The following ADAM32 variants were observed in gnomAD, a reference collection of about 807,000 sequenced individuals.
ADAM32 encodes the protein ADAM metallopeptidase domain 32.
In ADAM32, 89 loss-of-function variants were observed where a neutral mutation model predicts 114.9. That is an observed-to-expected ratio of 0.77 (90% CI 0.65 to 0.92). The LOEUF (loss-of-function observed/expected upper bound fraction) is 0.92. ADAM32 is among the 40% of genes least tolerant of loss of function. The pLI, the probability that ADAM32 is intolerant of heterozygous loss-of-function variation, is 0.00. For missense variants in ADAM32, 870 were observed against 932.8 expected (o/e 0.93, Z 0.88); for synonymous variants, 285 against 307.5 (o/e 0.93, Z 0.77).
At chr8:39,127,565 T>C (rs188879345) in intron 2 of ADAM32, among the ~76,000 whole-genome samples, 2 of 152,146 alleles carry the variant, frequency 1.3e-5, no homozygotes, top group African/African-American at 4.8e-5. Context: ...TCTTCTCTCT[T>C]TTTCTTCTTT....
At chr8:39,180,343 G>A (rs538987761) in intron 10 of ADAM32, among the ~76,000 whole-genome samples, 7 of 152,336 alleles carry the variant, frequency 4.6e-5, no homozygotes, top group Admixed American at 4.6e-4. Context: ...GGCCTTAGCT[G>A]CCTTCCCATG....
chr8:39,179,758 G>C (rs1050934638), intron 10 of ADAM32, among the ~76,000 whole-genome samples: 2 of 152,158 alleles, frequency 1.3e-5, no homozygotes, highest in Non-Finnish European at 2.9e-5. Context: ...TGCTCTCCGT[G>C]GGTCAAGCCG....
chr8:39,276,896 G>C (rs1206490279), intron 22 of ADAM32, among the ~76,000 whole-genome samples: 1 of 151,998 alleles, frequency 6.6e-6, no homozygotes, highest in Non-Finnish European at 1.5e-5. Context: ...TGTCTATCTT[G>C]CTCAGCATTG....
intron 23 of ADAM32, among the ~76,000 whole-genome samples, chr8:39,282,110 C>T (rs1418155366): frequency 6.6e-6 from 1 of 152,176 alleles, no homozygotes; most frequent in Non-Finnish European, 1.5e-5. Context: ...GTTGTCTCCA[C>T]TCTCCGTCAC....
At chr8:39,221,566 A>G (rs1456663878) in intron 12 of ADAM32, 44 bp from the exon 13 acceptor site, 5 of 1,445,050 alleles carry the variant, frequency 3.5e-6, no homozygotes, top group Non-Finnish European at 4.8e-6. Flanking sequence ...AGATTTTACT[A>G]TTGTCATGAT....
chr8:39,211,005 T>G, intron 11 of ADAM32, 139 bp from the exon 12 acceptor site: 1 of 632,026 alleles, frequency 1.6e-6, no homozygotes, highest in South Asian at 5.2e-5. Context: ...CATCCTCAAG[T>G]ATGATTTTGG....
intron 11 of ADAM32, among the ~76,000 whole-genome samples, chr8:39,203,391 C>A (rs1807574204): frequency 6.6e-6 from 1 of 152,126 alleles, no homozygotes; most frequent in African/African-American, 2.4e-5. Flanking sequence ...ATGTAATGGC[C>A]TTCTTTGTCT....
intron 17 of ADAM32, among the ~76,000 whole-genome samples, 187 bp from the exon 18 acceptor site, chr8:39,254,227 T>G (rs77914972): frequency 2.4e-5 from 2 of 83,190 alleles, no homozygotes; most frequent in Admixed American, 2.4e-4. Context: ...TTATAGTTCT[T>G]TTTTTTTTTT....
intron 1 of ADAM32, among the ~76,000 whole-genome samples, chr8:39,116,092 A>G (rs1431507517): frequency 2.0e-5 from 3 of 152,106 alleles, no homozygotes; most frequent in Non-Finnish European, 4.4e-5. Flanking sequence ...CCATTGGTCT[A>G]TGTGTTTGTT....
In ADAM32 at chr8:39,222,238, G is replaced by T. The variant is rs118022383; in HGVS notation, c.1326+536G>T. On this transcript the variant is annotated intron_variant, in intron 13 of 24. Transcript: ENST00000379907. Reference sequence around the variant, plus strand: ...GTGAAGACATTGACTCCTGTTTTCTGTTTTTCTTTTCAGCTCTTCTAAAAT... The same window carrying T: ...GTGAAGACATTGACTCCTGTTTTCTTTTTTTCTTTTCAGCTCTTCTAAAAT... Among the ~76,000 whole-genome samples, 843 of 152,060 alleles carry T rather than the reference G, an allele frequency of 5.5e-3. 5 individuals carry two copies. The highest frequency in any genetic ancestry group is 0.014 in the South Asian group (66 of 4,826).
At chr8:39,273,566 A>G (rs1812880383) in intron 20 of ADAM32, among the ~76,000 whole-genome samples, 1 of 152,122 alleles carries the variant, frequency 6.6e-6, no homozygotes, top group Non-Finnish European at 1.5e-5. Context: ...ATAGGATAGT[A>G]AACACATAAA....
intron 12 of ADAM32, among the ~76,000 whole-genome samples, chr8:39,216,104 A>T (rs1415830952): frequency 6.6e-6 from 1 of 152,010 alleles, no homozygotes; most frequent in Admixed American, 6.6e-5. Flanking sequence ...ATATGTATTT[A>T]CAATTGTTAT....
intron 20 of ADAM32, 90 bp from the exon 21 acceptor site, chr8:39,274,222 T>C: frequency 8.4e-7 from 1 of 1,196,746 alleles, no homozygotes; most frequent in South Asian, 1.2e-5. Flanking sequence ...AAAGAGATAA[T>C]ACTAATTATA....
intron 10 of ADAM32, among the ~76,000 whole-genome samples, chr8:39,174,025 G>A (rs1287607385): frequency 3.3e-5 from 5 of 152,138 alleles, no homozygotes; most frequent in African/African-American, 1.2e-4. Context: ...AGGTTTCACT[G>A]TGTTGGTCAG....
chr8:39,110,155 C>T (rs1165066398), intron 1 of ADAM32, among the ~76,000 whole-genome samples: 11 of 152,168 alleles, frequency 7.2e-5, no homozygotes, highest in East Asian at 1.9e-4. Flanking sequence ...CTGCAAACTC[C>T]GCCTCCCGGT....
rs187022507 is a variant in ADAM32, at chr8:39,253,919, G to A, written c.1903-495G>A. ...AATAGAAAATAAAAAAATTATATAA[G>A]ATGAAAAAAATCCAGATAATTAGAA... On this transcript the variant is annotated intron_variant, in intron 17 of 24. Coordinates refer to ENST00000379907, the MANE Select transcript of ADAM32 (RefSeq NM_145004.7). Among the ~76,000 whole-genome samples the A allele has an allele frequency of 2.7e-3, 410 of 151,188 alleles. 6 individuals are homozygous for A. Among genetic ancestry groups the A allele is most frequent in the African/African-American group, 8.9e-3 (370 of 41,360 alleles).
At chr8:39,124,414 C>CTTTTTTTTTTTTTTT (rs57362503) in intron 2 of ADAM32, among the ~76,000 whole-genome samples, 1 of 136,674 alleles carries the variant, frequency 7.3e-6, no homozygotes. Context: ...TTTTCTTTTT[C>CTTTTTTTTTTTTTTT]TTTTTTTTTT....
At chr8:39,156,887 T>C (rs1370730896) in intron 6 of ADAM32, among the ~76,000 whole-genome samples, 3 of 152,216 alleles carry the variant, frequency 2.0e-5, no homozygotes, top group Non-Finnish European at 2.9e-5. Flanking sequence ...TGTCTCCAAA[T>C]ACAGCCTCAT....
chr8:39,215,080 C>T (rs1041346332), intron 12 of ADAM32, among the ~76,000 whole-genome samples: 3 of 151,880 alleles, frequency 2.0e-5, no homozygotes, highest in Non-Finnish European at 4.4e-5. Context: ...ATTAGTATAC[C>T]TCTGTAGTAT....
Sources: allele counts gnomAD v4.1 joint callset (sites outside exome capture counted in the v4.1 genomes callset), GRCh38; gene constraint gnomAD v4.1.1; transcripts MANE v1.5; gene names NCBI Gene and HGNC (gene_info 2026-07-23, HGNC 2026-07-21).